The following AARS1 variants were observed in gnomAD, a reference collection of about 807,000 sequenced individuals.
The protein encoded by AARS1 is alanine--tRNA ligase, cytoplasmic.
AARS1 carries 72 observed loss-of-function variants against 108.9 expected under a neutral mutation model. That is an observed-to-expected ratio of 0.66 (90% CI 0.55 to 0.80). AARS1 has a LOEUF of 0.80. Ranked by LOEUF, AARS1 falls within the 30% of genes least tolerant of loss-of-function variation. The pLI is 0.00. For missense variants in AARS1, 1,193 were observed against 1,233.2 expected (o/e 0.97, Z 0.49); for synonymous variants, 489 against 465.7 (o/e 1.05, Z -0.64).
chr16:70,253,626 A>C (rs750488506), intron 19 of AARS1, 88 bp downstream of exon 19: 2 of 1,464,794 alleles, frequency 1.4e-6, no homozygotes, highest in South Asian at 2.3e-5. Flanking sequence ...CCCTTAGGCA[A>C]CCACTTCGCT....
chr16:70,271,293 C>A (rs1027427225), intron 5 of AARS1, among the ~76,000 whole-genome samples: 1 of 152,100 alleles, frequency 6.6e-6, no homozygotes, highest in Non-Finnish European at 1.5e-5. Context: ...CTTTGGGAGG[C>A]TGAGGCGGGC....
rs1409399740 is a variant in AARS1, at chr16:70,276,504, T to C, written c.461A>G (p.Gln154Arg). Residue 154 changes from glutamine (Q) to arginine (R), a missense_variant, in exon 4 of 21, where the codon CAG becomes CGG. Gln to Arg is a conservative substitution (Grantham distance 43, BLOSUM62 1). Transcript: ENST00000261772. ...TTCTTACCCCAAATTTTGCCAGATC[T>C]GTTTGCATTCCAGATCTGCTTCTAA... ...AGLEADLECK[Q>R]IWQNLGLDDT... is the part of the protein sequence containing the mutation. 1.9e-6 allele frequency: 3 copies of C among 1,614,120 alleles called. No homozygotes were observed. Among genetic ancestry groups the C allele is most frequent in the Non-Finnish European group, 8.5e-7 (1 of 1,180,018 alleles).
chr16:70,271,219 A>G (rs998919625), intron 5 of AARS1, among the ~76,000 whole-genome samples: 23 of 151,670 alleles, frequency 1.5e-4, no homozygotes, highest in Non-Finnish European at 2.1e-4. Flanking sequence ...GCAAGCTTCA[A>G]GGAAATAGGC....
chr16:70,287,149 G>A (rs1280984368), intron 1 of AARS1, among the ~76,000 whole-genome samples: 2 of 151,194 alleles, frequency 1.3e-5, no homozygotes, highest in Non-Finnish European at 1.5e-5. Context: ...TAGCTACTCG[G>A]GAGGCTGAGG....
At chr16:70,287,485 T>G (rs1318369804) in intron 1 of AARS1, among the ~76,000 whole-genome samples, 1 of 150,794 alleles carries the variant, frequency 6.6e-6, no homozygotes, top group Non-Finnish European at 1.5e-5. Flanking sequence ...CAGGTCTCGC[T>G]CTGTCACTTT....
intron 4 of AARS1, among the ~76,000 whole-genome samples, chr16:70,272,458 A>C (rs1206997375): frequency 7.8e-6 from 1 of 128,508 alleles, no homozygotes; most frequent in Non-Finnish European, 1.6e-5. Flanking sequence ...ATGAGCCGGG[A>C]TCGCGCCATT....
rs559372393 is a variant in AARS1 at position 70,281,923 on chromosome 16, G to A, written c.144+697C>T. 2.7e-4 allele frequency among the ~76,000 whole-genome samples: 41 copies of A among 151,958 alleles called. 1 individual carries two copies. The South Asian group carries it at 3.3e-3, about 12-fold the overall frequency. On this transcript the variant is annotated intron_variant, in intron 2 of 20. Transcript: ENST00000261772. ...TCCCAGCGCTTTGAGAGGCCGAGGC[G>A]GATGGATCACAAGGTCAGGAGATTG... is the stretch of plus-strand genomic sequence containing the variant.
intron 1 of AARS1, among the ~76,000 whole-genome samples, chr16:70,284,418 T>C (rs1441964042): frequency 1.3e-5 from 2 of 150,174 alleles, no homozygotes; most frequent in South Asian, 2.1e-4. Flanking sequence ...TTGGCTAACA[T>C]GGTGAAACCC....
intron 11 of AARS1, among the ~76,000 whole-genome samples, chr16:70,264,370 GCA>G (rs1449645241): frequency 6.6e-6 from 1 of 151,484 alleles, no homozygotes; most frequent in African/African-American, 2.4e-5. Context: ...AGGCTGGAGT[GCA>G]ATGGCATGAT....
At chr16:70,273,764 G>C (rs1960467134) in intron 4 of AARS1, among the ~76,000 whole-genome samples, 1 of 151,154 alleles carries the variant, frequency 6.6e-6, no homozygotes, top group African/African-American at 2.4e-5. Flanking sequence ...TCAGGAGGCT[G>C]AGGCAGGAGA....
Position 70,268,897 on chromosome 16 carries a change from C to T in AARS1, c.963-518G>A, listed in dbSNP as rs186349267. On this transcript the variant is annotated intron_variant, in intron 7 of 20. Transcript: ENST00000261772. ...CCTGCCCAAGACAAGGAAACAATAA[C>T]GAAAGATGGCTTTAAGTTTCATAAA... is the stretch of plus-strand genomic sequence containing the variant. Among the ~76,000 whole-genome samples the T allele has an allele frequency of 1.3e-3, 193 of 152,304 alleles. 1 individual carries two copies. The highest frequency in any genetic ancestry group is 2.0e-3 in the Non-Finnish European group (136 of 68,030).
At chr16:70,257,168 G>A (rs1960011254) in intron 15 of AARS1, among the ~76,000 whole-genome samples, 1 of 151,936 alleles carries the variant, frequency 6.6e-6, no homozygotes, top group African/African-American at 2.4e-5. Flanking sequence ...AGACTCGCTT[G>A]AACCCTGGAG....
At chr16:70,273,321 G>A (rs529677500) in intron 4 of AARS1, among the ~76,000 whole-genome samples, 1 of 152,258 alleles carries the variant, frequency 6.6e-6, no homozygotes, top group African/African-American at 2.4e-5. Flanking sequence ...TCTCCTTGAT[G>A]CAGCACTTCA....
chr16:70,262,598 C>T (rs1002126077), intron 11 of AARS1, 74 bp from the exon 12 acceptor site: 26 of 1,451,124 alleles, frequency 1.8e-5, no homozygotes, highest in Admixed American at 4.3e-5. Flanking sequence ...CTGACTTTTG[C>T]TGGATTCTCT....
intron 4 of AARS1, among the ~76,000 whole-genome samples, chr16:70,275,868 CAG>C (rs1960534948): frequency 7.6e-6 from 1 of 131,072 alleles, no homozygotes; most frequent in South Asian, 2.4e-4. Context: ...ACCCAGGAAG[CAG>C]AGTTTGCAGT....
intron 1 of AARS1, among the ~76,000 whole-genome samples, chr16:70,287,325 G>A (rs1960871900): frequency 6.6e-6 from 1 of 150,958 alleles, no homozygotes; most frequent in Admixed American, 6.6e-5. Context: ...CTACTTGGGA[G>A]GCTGAGTCAG....
At chr16:70,288,210 C>G (rs892967042) in intron 1 of AARS1, among the ~76,000 whole-genome samples, 1 of 146,746 alleles carries the variant, frequency 6.8e-6, no homozygotes, top group African/African-American at 2.5e-5. Flanking sequence ...TCACGCCATT[C>G]TCCTGCCTCA....
At chr16:70,269,508 T>C in intron 7 of AARS1, 110 bp downstream of exon 7, 6 of 1,501,330 alleles carry the variant, frequency 4.0e-6, no homozygotes, top group South Asian at 2.3e-5. Context: ...TACTCCAGCC[T>C]GGGCAACAGA....
chr16:70,285,156 G>A (rs2152171872), intron 1 of AARS1, among the ~76,000 whole-genome samples: 1 of 151,914 alleles, frequency 6.6e-6, no homozygotes, highest in South Asian at 2.1e-4. Context: ...TTGAACCTGG[G>A]AAATAGTGGT....
Sources: allele counts gnomAD v4.1 joint callset (sites outside exome capture counted in the v4.1 genomes callset), GRCh38; gene constraint gnomAD v4.1.1; transcripts MANE v1.5; gene names NCBI Gene and HGNC (gene_info 2026-07-23, HGNC 2026-07-21).